RIN2: variants seen among roughly 807,000 people sequenced by gnomAD.
RIN2 encodes RAB5 interacting protein 2.
A neutral mutation model predicts 78.0 loss-of-function variants in RIN2; 36 were observed. That is an observed-to-expected ratio of 0.46 (90% CI 0.35 to 0.61). The LOEUF is 0.61. Ranked by LOEUF, RIN2 falls within the 20% of genes least tolerant of loss-of-function variation. The probability of loss-of-function intolerance (pLI) is 0.00; values close to 1 mark genes in which losing one functional copy is unlikely to be tolerated. For synonymous variants in RIN2, 466 were observed against 466.8 expected (o/e 1.00, Z 0.02); for missense variants, 1,087 against 1,159.7 (o/e 0.94, Z 0.91).
chr20:19,889,243 G>A (rs546126495), intron 2 of RIN2: 1 of 1,022,894 alleles, frequency 9.8e-7, no homozygotes, highest in Non-Finnish European at 1.2e-6. Context: ...GCAGATGATG[G>A]GGACATCTAA....
chr20:19,925,171 A>C (rs531221884), intron 3 of RIN2, among the ~76,000 whole-genome samples: 11 of 151,780 alleles, frequency 7.2e-5, no homozygotes, highest in Non-Finnish European at 1.5e-4. Flanking sequence ...AGACAGAGCC[A>C]ACCCAGGGTA....
At chr20:19,930,244 G>C (rs1215420110) in intron 3 of RIN2, among the ~76,000 whole-genome samples, 1 of 152,170 alleles carries the variant, frequency 6.6e-6, no homozygotes, top group African/African-American at 2.4e-5. Context: ...TAGGTGGCAT[G>C]GCAATGGTGC....
At chr20:19,851,954 C>G (rs2036994774) in intron 2 of RIN2, among the ~76,000 whole-genome samples, 1 of 152,120 alleles carries the variant, frequency 6.6e-6, no homozygotes, top group Non-Finnish European at 1.5e-5. Flanking sequence ...CTGGGCTCAT[C>G]TGGGCTCAAC....
At chr20:19,860,572 C>T (rs1465499506) in intron 2 of RIN2, among the ~76,000 whole-genome samples, 15 of 152,174 alleles carry the variant, frequency 9.9e-5, no homozygotes, top group Admixed American at 9.8e-4. Flanking sequence ...ATCCACCCAC[C>T]TTGGCCTCCC....
intron 3 of RIN2, among the ~76,000 whole-genome samples, chr20:19,926,168 GT>G (rs755932979): frequency 1.1e-4 from 17 of 152,154 alleles, no homozygotes; most frequent in Non-Finnish European, 1.5e-4. Flanking sequence ...GATAACAGTG[GT>G]TACATCTGAG....
At chr20:19,757,613 C>T (rs2033423630), upstream of RIN2, 1 of 152,496 alleles carries the variant, frequency 6.6e-6, no homozygotes, top group Non-Finnish European at 1.5e-5. Flanking sequence ...CGTATCCAAC[C>T]CTGGAGAACC....
chr20:19,788,432 C>CAAAA (rs1224663738), intron 1 of RIN2, among the ~76,000 whole-genome samples: 3 of 53,740 alleles, frequency 5.6e-5, no homozygotes, highest in African/African-American at 1.1e-4. Flanking sequence ...CTGTCTCTGC[C>CAAAA]AAAAAAAAAA....
intron 2 of RIN2, among the ~76,000 whole-genome samples, chr20:19,850,569 T>C (rs1195561318): frequency 6.6e-6 from 1 of 152,180 alleles, no homozygotes; most frequent in African/African-American, 2.4e-5. Flanking sequence ...ATGCCTGAAT[T>C]CAACTGGAAT....
rs6046458 is a variant in RIN2 at position 19,927,937 on chromosome 20, C to T, written c.58-7162C>T. ...TTTGTTTTTGAGATGGAGTCTCACT[C>T]TGTAGCCCAGGCTGGAGTGCAGTGG... On this transcript the variant is annotated intron_variant, in intron 3 of 12. Transcript: ENST00000255006. Among the ~76,000 whole-genome samples, 871 of 152,174 alleles carry T rather than the reference C, an allele frequency of 5.7e-3. 15 individuals are homozygous for T. Among genetic ancestry groups the T allele is most frequent in the African/African-American group, 0.019 (797 of 41,534 alleles).
Position 19,943,313 on chromosome 20 carries a change from G to A in RIN2, c.158+8114G>A, listed in dbSNP as rs556011684. ...CAGCTACCACTTTTTCTTACCTCCC[G>A]AAATGGCAGCGTCTCCCTGGAGGCA... On this transcript the variant is annotated intron_variant, in intron 4 of 12. Transcript: ENST00000255006. Among the ~76,000 whole-genome samples, 9 of 152,234 alleles carry A rather than the reference G, an allele frequency of 5.9e-5. No homozygotes were observed. In the East Asian group the frequency reaches 9.7e-4, roughly 16 times the overall value.
intron 1 of RIN2, among the ~76,000 whole-genome samples, chr20:19,798,530 C>T (rs950349754): frequency 2.6e-5 from 4 of 151,768 alleles, no homozygotes; most frequent in Non-Finnish European, 4.4e-5. Context: ...CTTCTTATAC[C>T]GATGTTGGGA....
chr20:19,985,800 C>T (rs73901354), intron 9 of RIN2, among the ~76,000 whole-genome samples: 4,454 of 152,230 alleles, frequency 0.029, 219 homozygotes, highest in African/African-American at 0.1. Context: ...TTGTTTTGCA[C>T]GCGTGCTTGT....
intron 2 of RIN2, among the ~76,000 whole-genome samples, chr20:19,808,893 AAAG>A (rs1327662603): frequency 6.6e-6 from 1 of 152,178 alleles, no homozygotes; most frequent in Non-Finnish European, 1.5e-5. Context: ...CATGCAGTGA[AAAG>A]AAGGGCAGAG....
In RIN2 at chr20:19,975,540, C is replaced by T. The variant is rs546074643; in HGVS notation, c.1515C>T (p.Ser505=). 1 of 1,614,048 alleles carries T rather than the reference C, an allele frequency of 6.2e-7. No homozygotes were observed. The highest frequency in any genetic ancestry group is 1.1e-5 in the South Asian group (1 of 91,084). ...TGCAGAAGGTGAGCGGGGTGTTCAG[C>T]TCCTTCATGACCCCGGAGAAGCGGA... ...SQLQKVSGVF[S]SFMTPEKRMV... Residue 505 remains serine, a synonymous_variant, in exon 9 of 13, where the codon AGC becomes AGT. Transcript: ENST00000255006. This position sits in a 1 kb window ranked among gnomAD's most constrained non-coding sequence, Gnocchi z 4.9.
At chr20:19,815,407 G>A (rs998055414) in intron 2 of RIN2, among the ~76,000 whole-genome samples, 1 of 152,142 alleles carries the variant, frequency 6.6e-6, no homozygotes, top group Non-Finnish European at 1.5e-5. Context: ...GCAATACATT[G>A]GCTCCCTTTT....
intron 2 of RIN2, among the ~76,000 whole-genome samples, chr20:19,859,077 A>T (rs1482219308): frequency 6.6e-6 from 1 of 152,232 alleles, no homozygotes; most frequent in African/African-American, 2.4e-5. Flanking sequence ...CTCTACAGGG[A>T]GAAAATACTT....
intron 2 of RIN2, among the ~76,000 whole-genome samples, chr20:19,807,926 A>G (rs1459631650): frequency 1.3e-5 from 2 of 152,198 alleles, no homozygotes; most frequent in Non-Finnish European, 2.9e-5. Context: ...CATGGAAAAG[A>G]CTTGCAGTTT....
At chr20:19,899,625 CTTGA>C (rs1292954662) in intron 3 of RIN2, among the ~76,000 whole-genome samples, 2 of 152,116 alleles carry the variant, frequency 1.3e-5, no homozygotes, top group Non-Finnish European at 2.9e-5. Context: ...CATCTGAAGG[CTTGA>C]CTGGTGAGGA....
At chr20:19,819,249 AG>A (rs2035861010) in intron 2 of RIN2, among the ~76,000 whole-genome samples, 1 of 152,208 alleles carries the variant, frequency 6.6e-6, no homozygotes, top group South Asian at 2.1e-4. Context: ...GGCTCTGATG[AG>A]GGCCCACTTC....
Sources: allele counts gnomAD v4.1 joint callset (sites outside exome capture counted in the v4.1 genomes callset), GRCh38; gene constraint gnomAD v4.1.1; non-coding constraint Gnocchi (gnomAD v3.1); transcripts MANE v1.5; gene names NCBI Gene and HGNC (gene_info 2026-07-23, HGNC 2026-07-21).